TMEM178B: variants seen among roughly 807,000 people sequenced by gnomAD.
TMEM178B encodes transmembrane protein 178B.
TMEM178B carries 5 observed loss-of-function variants against 31.0 expected under a neutral mutation model. The ratio of observed to expected loss-of-function variants is 0.16; its 90% CI spans 0.08 to 0.34. The LOEUF (loss-of-function observed/expected upper bound fraction) is 0.34, where lower values mean the gene tolerates loss of function less well. TMEM178B is among the 10% of genes least tolerant of loss of function. The pLI is 1.00. For synonymous variants in TMEM178B, 164 were observed against 164.0 expected, an observed-to-expected ratio of 1.00 and a Z score of 0.00; for missense variants, 275 against 400.3, an observed-to-expected ratio of 0.69 and a Z score of 2.67.
At chr7:141,243,261 G>A (rs1797657034) in intron 2 of TMEM178B, among the ~76,000 whole-genome samples, 1 of 151,864 alleles carries the variant, frequency 6.6e-6, no homozygotes, top group Non-Finnish European at 1.5e-5. Flanking sequence ...TTGCAGAGAG[G>A]GCCTCTGGGA....
At chr7:141,195,018 A>C (rs989423818) in intron 1 of TMEM178B, among the ~76,000 whole-genome samples, 1 of 152,182 alleles carries the variant, frequency 6.6e-6, no homozygotes, top group African/African-American at 2.4e-5. Flanking sequence ...TAGGCTGCAC[A>C]CAGCACGGGG....
At chr7:141,467,114 G>C (rs1016407392) in intron 3 of TMEM178B, among the ~76,000 whole-genome samples, 2 of 152,064 alleles carry the variant, frequency 1.3e-5, no homozygotes, top group African/African-American at 4.8e-5. Context: ...CAAGCAGGCT[G>C]ACCAACAGAA....
intron 2 of TMEM178B, among the ~76,000 whole-genome samples, chr7:141,249,300 C>T (rs1171359368): frequency 6.6e-6 from 1 of 152,178 alleles, no homozygotes; most frequent in African/African-American, 2.4e-5. Context: ...CTCATTCTCT[C>T]TTGCCTGCTG....
chr7:141,412,006 T>A (rs2334), intron 2 of TMEM178B, among the ~76,000 whole-genome samples: 5 of 151,934 alleles, frequency 3.3e-5, no homozygotes, highest in Non-Finnish European at 7.4e-5. Flanking sequence ...CTGCAGAAAC[T>A]GTGACTCAGT....
intron 1 of TMEM178B, among the ~76,000 whole-genome samples, chr7:141,177,326 C>T (rs1375977856): frequency 6.6e-6 from 1 of 151,938 alleles, no homozygotes; most frequent in Non-Finnish European, 1.5e-5. Context: ...TTATGATTTC[C>T]GTTCTTTTGC....
At chr7:141,177,879 T>A (rs1796459616) in intron 1 of TMEM178B, among the ~76,000 whole-genome samples, 1 of 152,230 alleles carries the variant, frequency 6.6e-6, no homozygotes, top group Non-Finnish European at 1.5e-5. Flanking sequence ...CACTGATAGG[T>A]CTTGCCTCTT....
At chr7:141,282,054 G>C (rs1798373972) in intron 2 of TMEM178B, among the ~76,000 whole-genome samples, 1 of 152,196 alleles carries the variant, frequency 6.6e-6, no homozygotes, top group Non-Finnish European at 1.5e-5. Flanking sequence ...CTATGGCAGT[G>C]GTTTGGGTGA....
chr7:141,399,905 GA>G (rs1293478899), intron 2 of TMEM178B, among the ~76,000 whole-genome samples: 8 of 151,832 alleles, frequency 5.3e-5, no homozygotes, highest in African/African-American at 1.7e-4. Context: ...TCCTATATTT[GA>G]AAATAAGTGC....
chr7:141,144,075 T>C (rs1414788888), intron 1 of TMEM178B, among the ~76,000 whole-genome samples: 1 of 152,236 alleles, frequency 6.6e-6, no homozygotes, highest in Non-Finnish European at 1.5e-5. Context: ...TGATTTTGTA[T>C]CCTGAAAGTT....
At chr7:141,207,339 C>T (rs948586874) in intron 1 of TMEM178B, among the ~76,000 whole-genome samples, 3 of 152,136 alleles carry the variant, frequency 2.0e-5, no homozygotes, top group African/African-American at 7.2e-5. Context: ...CTGGATCATT[C>T]GTAATTTTTT....
chr7:141,347,716 C>A (rs1194694866), intron 2 of TMEM178B, among the ~76,000 whole-genome samples: 3 of 151,948 alleles, frequency 2.0e-5, no homozygotes. Flanking sequence ...ATCTCCCCCA[C>A]CCCCCGTCTG....
At chr7:141,237,829 GC>G (rs2129192802) in intron 2 of TMEM178B, among the ~76,000 whole-genome samples, 1 of 152,198 alleles carries the variant, frequency 6.6e-6, no homozygotes, top group African/African-American at 2.4e-5. Flanking sequence ...CTCGAGAGCA[GC>G]CTGGCCAACA....
chr7:141,396,505 C>T (rs1297247253), intron 2 of TMEM178B, among the ~76,000 whole-genome samples: 1 of 149,346 alleles, frequency 6.7e-6, no homozygotes, highest in Non-Finnish European at 1.5e-5. Flanking sequence ...CGGGTCTGGG[C>T]CTCTCATACT....
intron 2 of TMEM178B, among the ~76,000 whole-genome samples, chr7:141,324,036 C>G (rs561637003): frequency 1.3e-5 from 2 of 152,166 alleles, no homozygotes; most frequent in African/African-American, 2.4e-5. Context: ...CTGGTACATT[C>G]AAGAAACTGC....
intron 2 of TMEM178B, among the ~76,000 whole-genome samples, chr7:141,229,441 G>T (rs1299437661): frequency 6.6e-6 from 1 of 152,062 alleles, no homozygotes; most frequent in African/African-American, 2.4e-5. Context: ...GTTCCATGGA[G>T]CAGGGGAAAC....
chr7:141,369,282 C>T (rs1416033651), intron 2 of TMEM178B, among the ~76,000 whole-genome samples: 1 of 151,608 alleles, frequency 6.6e-6, no homozygotes, highest in African/African-American at 2.4e-5. Flanking sequence ...CTTTTCCAGT[C>T]TCATCTCTCT....
At chr7:141,498,041 C>G in the TMEM178B span, among the ~76,000 whole-genome samples, 13 of 152,164 alleles carry the variant, frequency 8.5e-5, no homozygotes, top group African/African-American at 3.1e-4. Context: ...TCTAAGCTAC[C>G]TTTTAAAGAC....
intron 2 of TMEM178B, among the ~76,000 whole-genome samples, chr7:141,423,814 T>G (rs1256615031): frequency 6.7e-6 from 1 of 148,656 alleles, no homozygotes; most frequent in African/African-American, 2.5e-5. Context: ...TGTTTTTTTT[T>G]TTTTTTTTTT....
chr7:141,273,801 C>A (rs1428664453), intron 2 of TMEM178B, among the ~76,000 whole-genome samples: 2 of 152,194 alleles, frequency 1.3e-5, no homozygotes, highest in African/African-American at 4.8e-5. Flanking sequence ...TCTACAGTAC[C>A]ACTTTTGGTC....
Sources: allele counts gnomAD v4.1 joint callset (sites outside exome capture counted in the v4.1 genomes callset), GRCh38; gene constraint gnomAD v4.1.1; transcripts MANE v1.5; gene names NCBI Gene and HGNC (gene_info 2026-07-23, HGNC 2026-07-21).